EDEM1: variants seen among roughly 807,000 people sequenced by gnomAD.
The protein encoded by EDEM1 is ER degradation enhancing alpha-mannosidase like protein 1, also known as ER degradation-enhancing alpha-mannosidase-like protein 1.
Under a neutral mutation model 74.4 loss-of-function variants are expected in EDEM1, and 67 were observed. The observed-to-expected ratio is 0.90, with a 90% confidence interval of 0.74 to 1.10. EDEM1 has a LOEUF of 1.10. Ranked by LOEUF, EDEM1 falls within the 50% of genes least tolerant of loss-of-function variation. The pLI is 0.00. For missense variants in EDEM1, 926 were observed against 851.6 expected, an observed-to-expected ratio of 1.09 and a Z score of -1.09; for synonymous variants, 382 against 335.9, an observed-to-expected ratio of 1.14 and a Z score of -1.50.
chr3:5,205,007 C>T (rs938613931), intron 5 of EDEM1, 60 bp from the exon 6 acceptor site: 1 of 1,575,474 alleles, frequency 6.3e-7, no homozygotes, highest in Non-Finnish European at 8.7e-7. Context: ...AGGCCTGTCT[C>T]CATTCATGTC....
At position 5,196,778 on chromosome 3, in the gene EDEM1, A is replaced by T. The variant is rs191475107; in HGVS notation, c.582+1497A>T. 2.8e-4 allele frequency among the ~76,000 whole-genome samples: 43 copies of T among 152,186 alleles called. 1 individual carries two copies. ...AAATGTGCCCAGACAAGTATGTTCG[A>T]CCTTAGAGCTAATTTGTTGATGATA... is the stretch of plus-strand genomic sequence containing the variant. On this transcript the variant is annotated intron_variant, in intron 2 of 11. Coordinates refer to ENST00000256497, the MANE Select transcript of EDEM1 (RefSeq NM_014674.3).
intron 10 of EDEM1, among the ~76,000 whole-genome samples, chr3:5,211,988 A>T (rs2055174460): frequency 6.6e-6 from 1 of 152,170 alleles, no homozygotes; most frequent in Non-Finnish European, 1.5e-5. Context: ...TAGCATGGCA[A>T]CTGAGAACTT....
chr3:5,203,280 T>A (rs1405453834), intron 5 of EDEM1, 131 bp downstream of exon 5: 24 of 957,886 alleles, frequency 2.5e-5, no homozygotes, highest in Non-Finnish European at 3.4e-5. Flanking sequence ...GTCAGCTCTA[T>A]CTAATTTCTT....
Position 5,208,128 on chromosome 3 carries a change from TCA to T in EDEM1, c.1375_1376del (p.His459CysfsTer15), listed in dbSNP as rs2055121058. 1 of 1,607,396 alleles carries T rather than the reference TCA, an allele frequency of 6.2e-7. No homozygotes were observed. Among genetic ancestry groups the T allele is most frequent in the African/African-American group, 1.3e-5 (1 of 74,234 alleles). Reference protein sequence around the residue: ...IGDVEDAICLHAFYYAIWKRY... With the variant: ...IGDVEDAICLXAFYYAIWKRY... ...GAGATGTGGAAGATGCCATCTGCCT[TCA>T]TGCCTTCTACTATGCCATATGGAAA... On this transcript the variant is annotated frameshift_variant, in exon 8 of 12. Coordinates refer to ENST00000256497, the MANE Select transcript of EDEM1 (RefSeq NM_014674.3). LOFTEE classifies it high-confidence loss of function.
At chr3:5,208,399 G>A (rs1366753870) in intron 8 of EDEM1, 136 bp downstream of exon 8, 16 of 1,046,466 alleles carry the variant, frequency 1.5e-5, no homozygotes, top group Admixed American at 2.9e-5. Context: ...CCCCCTATCC[G>A]TAGTCTTGTT....
At chr3:5,211,029 A>G (rs942731594) in intron 9 of EDEM1, 91 bp from the exon 10 acceptor site, 2 of 1,170,586 alleles carry the variant, frequency 1.7e-6, no homozygotes, top group East Asian at 2.4e-5. Context: ...TGACTGGTTG[A>G]TTATTCTGAT....
chr3:5,198,585 G>A (rs1251147273), intron 2 of EDEM1, among the ~76,000 whole-genome samples: 1 of 150,768 alleles, frequency 6.6e-6, no homozygotes, highest in South Asian at 2.1e-4. Context: ...GTGAAATTCA[G>A]CAGAATTGTT....
At position 5,218,123 on chromosome 3, in the gene EDEM1, A is replaced by C. The variant is rs79419566; in HGVS notation, c.*2205A>C. 9,589 of 152,286 alleles carry C rather than the reference A, an allele frequency of 0.063. 448 individuals are homozygous for C. Among genetic ancestry groups the C allele is most frequent in the African/African-American group, 0.13 (5,384 of 41,522 alleles). 9.4% of individuals were successfully genotyped at this position (152,286 alleles called of 1,614,324 possible). ...CTACACAATGCTGCAGGTGCTTCCC[A>C]GGGGCCACAGGCTGTCAGGAAACGT... On this transcript the variant is annotated 3_prime_UTR_variant, in exon 12 of 12. Transcript: ENST00000256497.
rs2055233417 is a variant in EDEM1 at position 5,216,196 on chromosome 3, G to A, written c.*278G>A. The A allele has an allele frequency of 4.8e-6, 2 of 417,834 alleles. No individual in the cohort carries two copies. The highest frequency in any genetic ancestry group is 8.4e-6 in the Non-Finnish European group (2 of 238,192). The allele number at this position is 417,834 out of a possible 1,614,324, so 25.9% of individuals were successfully genotyped here. A position where few individuals can be genotyped will look rare whatever the true frequency, so the allele number is the denominator to read the frequency against. On this transcript the variant is annotated 3_prime_UTR_variant, in exon 12 of 12. Transcript: ENST00000256497. ...TGATGTTATAAGCACAATAGATGGG[G>A]CATCTTTGGATTGATGTTCACAGCT... is the stretch of plus-strand genomic sequence containing the variant.
At chr3:5,208,003 G>T (rs377014505) in intron 7 of EDEM1, 90 bp from the exon 8 acceptor site, 1 of 1,441,876 alleles carries the variant, frequency 6.9e-7, no homozygotes, top group East Asian at 2.4e-5. Context: ...AGAACTCGGG[G>T]GCAGAGGAGA....
In EDEM1 at chr3:5,195,265, C is replaced by G; in HGVS notation, c.566C>G (p.Ala189Gly). ...AACTACTCATTGACTCTTGTTGATG[C>G]ATTGGATACACTTGCAGTAAGTGTT... ...LGNYSLTLVD[A>G]LDTLAIMGNS... The change falls in exon 2 of 12, where the codon GCA becomes GGA. Residue 189 changes from alanine to glycine, a missense_variant. Physicochemically the swap from Ala to Gly is moderately conservative, Grantham distance 60. Transcript: ENST00000256497. 6.4e-7 allele frequency: 1 copy of G among 1,565,368 alleles called. No individual in the cohort carries two copies. Among genetic ancestry groups the G allele is most frequent in the Non-Finnish European group, 8.7e-7 (1 of 1,155,000 alleles).
In EDEM1 at chr3:5,188,167, C is replaced by T. The variant is rs189571899; in HGVS notation, c.362C>T (p.Ala121Val). 1 of 1,552,884 alleles carries T rather than the reference C, an allele frequency of 6.4e-7. No individual in the cohort carries two copies. Among genetic ancestry groups the T allele is most frequent in the Admixed American group, 1.9e-5 (1 of 51,600 alleles). Residue 121 changes from alanine to valine, a missense_variant, in exon 1 of 12, where the codon GCC (alanine) becomes GTC (valine). Transcript: ENST00000256497. The stretch of plus-strand genomic sequence containing the variant: ...GAGTACGAGAAGCGCTACAGCGGCG[C>T]CTTCCCTCCGCAGCTGCGTGCCCAG... ...PDEYEKRYSG[A>V]FPPQLRAQMR...
At chr3:5,213,598 T>C (rs546699666) in intron 11 of EDEM1, 76 bp downstream of exon 11, 1 of 1,402,634 alleles carries the variant, frequency 7.1e-7, no homozygotes, top group Admixed American at 2.4e-5. Flanking sequence ...TGTTCAGACT[T>C]CCTGACAGAA....
intron 8 of EDEM1, among the ~76,000 whole-genome samples, chr3:5,209,515 T>C (rs2055141141): frequency 1.3e-5 from 2 of 152,208 alleles, no homozygotes; most frequent in Admixed American, 1.3e-4. Flanking sequence ...ATCTGGAGAC[T>C]GCTAACCTTG....
rs1575595210 is a variant in EDEM1 at position 5,218,325 on chromosome 3, T to C, written c.*2407T>C. 1 of 152,154 alleles carries C rather than the reference T, an allele frequency of 6.6e-6. No homozygotes were observed. The highest frequency in any genetic ancestry group is 2.4e-5 in the African/African-American group (1 of 41,450). The allele number at this position is 152,154 out of a possible 1,614,324, so 9.4% of individuals were successfully genotyped here. ...GTTTGTGGGGCTGGATGCCAGAAGG[T>C]TCTTTGAGCCAGTTTCAAAGGTTAC... On this transcript the variant is annotated 3_prime_UTR_variant, in exon 12 of 12. Transcript: ENST00000256497.
In EDEM1 at chr3:5,195,275, A is replaced by C. The variant is rs1397257833; in HGVS notation, c.576A>C (p.Thr192=). 6.4e-7 allele frequency: 1 copy of C among 1,553,976 alleles called. No homozygotes were observed. Among genetic ancestry groups the C allele is most frequent in the Non-Finnish European group, 8.7e-7 (1 of 1,147,308 alleles). The change falls in exon 2 of 12, where the codon ACA becomes ACC. Residue 192 remains threonine, a synonymous_variant. Coordinates refer to ENST00000256497, the MANE Select transcript of EDEM1 (RefSeq NM_014674.3). ...YSLTLVDALD[T]LAIMGNSSEF... ...TGACTCTTGTTGATGCATTGGATAC[A>C]CTTGCAGTAAGTGTTCACCTTTTTT...
At chr3:5,204,978 G>A in intron 5 of EDEM1, 89 bp from the exon 6 acceptor site, 1 of 1,406,028 alleles carries the variant, frequency 7.1e-7, no homozygotes, top group South Asian at 1.3e-5. Flanking sequence ...GTGCTGAGGA[G>A]CAGTGTGGTT....
chr3:5,215,576 C>T (rs1011334520), intron 11 of EDEM1, among the ~76,000 whole-genome samples: 4 of 152,176 alleles, frequency 2.6e-5, no homozygotes, highest in Non-Finnish European at 4.4e-5. Flanking sequence ...TTTTGCTCCT[C>T]AGGGAACATT....
In EDEM1 at chr3:5,188,980, A is replaced by C. The variant is rs115618439; in HGVS notation, c.509+666A>C. On this transcript the variant is annotated intron_variant, in intron 1 of 11. Transcript: ENST00000256497. ...TCACTGGATGCCAGATTGACTGTCAACGTCATCGCCCTGTACGATCTGTCT... is the reference window on the plus strand; with the variant it reads ...TCACTGGATGCCAGATTGACTGTCACCGTCATCGCCCTGTACGATCTGTCT... Among the ~76,000 whole-genome samples, 123 of 152,208 alleles carry C rather than the reference A, an allele frequency of 8.1e-4. 2 individuals carry two copies. In the East Asian group the frequency reaches 0.023, roughly 28 times the overall value.
Sources: allele counts gnomAD v4.1 joint callset (sites outside exome capture counted in the v4.1 genomes callset), GRCh38; gene constraint gnomAD v4.1.1; transcripts MANE v1.5; gene names NCBI Gene and HGNC (gene_info 2026-07-23, HGNC 2026-07-21).